Variants in PICALM observed in about 807,000 individuals in gnomAD.
PICALM encodes phosphatidylinositol-binding clathrin assembly protein.
PICALM carries 40 observed loss-of-function variants against 80.5 expected under a neutral mutation model. The ratio of observed to expected loss-of-function variants is 0.50; its 90% CI spans 0.39 to 0.65. The LOEUF (loss-of-function observed/expected upper bound fraction) is 0.65. Ranked by LOEUF, PICALM falls within the 30% of genes least tolerant of loss-of-function variation. The pLI, the probability that PICALM is intolerant of heterozygous loss-of-function variation, is 0.00. For synonymous variants in PICALM, 288 were observed against 260.3 expected (o/e 1.11, Z -1.02); for missense variants, 676 against 778.9 (o/e 0.87, Z 1.57).
chr11:86,000,867 A>C, intron 10 of PICALM, 88 bp from the exon 11 acceptor site: 1 of 1,513,076 alleles, frequency 6.6e-7, no homozygotes, highest in Admixed American at 2.0e-5. Flanking sequence ...ATTTGTTCTG[A>C]TAGCAGATAT....
At position 85,990,371 on chromosome 11, in the gene PICALM, A is replaced by C. The variant is rs747486969; in HGVS notation, c.1287T>G (p.Val429=). 6 of 1,608,350 alleles carry C rather than the reference A, an allele frequency of 3.7e-6. No homozygotes were observed. The East Asian group carries it at 1.3e-4, about 36-fold the overall frequency. ...GATTTAAGCTTGGAATGGCATCATC[A>C]ACAGCATCTACAGTAGCAGAGAAAG... is the stretch of plus-strand genomic sequence containing the variant. ...GDPFSATVDA[V]DDAIPSLNPF... The change falls in exon 13 of 20, where the codon GTT becomes GTG. Residue 429 remains valine, a synonymous_variant. Transcript: ENST00000393346.
chr11:85,978,198 T>C, intron 17 of PICALM: 1 of 879,390 alleles, frequency 1.1e-6, no homozygotes, highest in Non-Finnish European at 1.9e-6. Context: ...CACATGTACA[T>C]TCACTAACTA....
At chr11:86,040,029 G>T (rs1173010501) in intron 1 of PICALM, among the ~76,000 whole-genome samples, 1 of 144,850 alleles carries the variant, frequency 6.9e-6, no homozygotes, top group Non-Finnish European at 1.5e-5. Flanking sequence ...AAAAAAAAAG[G>T]CAACAAAATA....
intron 13 of PICALM, among the ~76,000 whole-genome samples, chr11:85,986,668 G>T (rs946996303): frequency 6.6e-6 from 1 of 152,068 alleles, no homozygotes; most frequent in African/African-American, 2.4e-5. Flanking sequence ...GGGATTACAG[G>T]CGTGAGCCAC....
At position 86,031,555 on chromosome 11, in the gene PICALM, A is replaced by C; in HGVS notation, c.187T>G (p.Leu63Val). The C allele has an allele frequency of 1.2e-6, 2 of 1,612,380 alleles. No individual in the cohort carries two copies. Among genetic ancestry groups the C allele is most frequent in the Non-Finnish European group, 8.5e-7 (1 of 1,179,040 alleles). Residue 63 changes from leucine to valine, a missense_variant, in exon 2 of 20, where the codon TTA (leucine) becomes GTA (valine). Transcript: ENST00000393346. ...NVNIPQLADS[L>V]FERTTNSSWV... ...CTACTATTAGTAGTTCTTTCAAATA[A>C]ACTGTCTGCCAACTGTGGGATGTTC...
chr11:86,033,422 C>G (rs1238843493), intron 1 of PICALM, among the ~76,000 whole-genome samples: 1 of 152,146 alleles, frequency 6.6e-6, no homozygotes, highest in Non-Finnish European at 1.5e-5. Flanking sequence ...ATATGCCAAG[C>G]ACTCTTATCT....
At position 85,980,625 on chromosome 11, in the gene PICALM, A is replaced by G. The variant is rs554210059; in HGVS notation, c.1779+504T>C. Among the ~76,000 whole-genome samples, 5 of 152,314 alleles carry G rather than the reference A, an allele frequency of 3.3e-5. No homozygotes were observed. The South Asian group carries it at 8.3e-4, about 25-fold the overall frequency. ...TAAATTATATGACAAAACCGAAGCA[A>G]GTATAGTTTCTTTACCAATAATGAA... On this transcript the variant is annotated intron_variant, in intron 17 of 19. Coordinates refer to ENST00000393346, the MANE Select transcript of PICALM (RefSeq NM_007166.4).
At chr11:86,065,481 T>G (rs1172666663) in intron 1 of PICALM, among the ~76,000 whole-genome samples, 1 of 152,060 alleles carries the variant, frequency 6.6e-6, no homozygotes, top group East Asian at 1.9e-4. Flanking sequence ...CTGCAATAAT[T>G]ATGGTTCTTT....
rs2095413837 is a variant in PICALM, at chr11:86,012,395, A to G, written c.547-3T>C. The G allele has an allele frequency of 4.5e-6, 7 of 1,554,326 alleles. No homozygotes were observed. Among genetic ancestry groups the G allele is most frequent in the Non-Finnish European group, 6.2e-6 (7 of 1,130,122 alleles). On this transcript the variant is annotated splice_region_variant and splice_polypyrimidine_tract_variant and intron_variant, in intron 5 of 19. Coordinates refer to ENST00000393346, the MANE Select transcript of PICALM (RefSeq NM_007166.4). ...TTTGTAAGTTCATTGCTATTAACCT[A>G]GGGAAAAATTGGAAAATAAAATTAG...
At chr11:85,987,798 T>G (rs2094624027) in intron 13 of PICALM, among the ~76,000 whole-genome samples, 1 of 152,242 alleles carries the variant, frequency 6.6e-6, no homozygotes, top group Admixed American at 6.5e-5. Context: ...TAGTAGTCAT[T>G]TTGATACTTT....
At position 86,023,672 on chromosome 11, in the gene PICALM, G is replaced by GAGC. The variant is rs1313596326; in HGVS notation, c.350-1206_350-1204dup. On this transcript the variant is annotated intron_variant, in intron 3 of 19. Transcript: ENST00000393346. ...TGGATATATGCATAAACTCTGCCTA[G>GAGC]AGCACTGCTCTGCATCTTGTTTTCC... 7.8e-6 allele frequency: 4 copies of GAGC among 510,118 alleles called. No individual in the cohort carries two copies. In the Admixed American group the frequency reaches 2.6e-4, roughly 33 times the overall value. The allele number at this position is 510,118 out of a possible 1,614,324, so 31.6% of individuals were successfully genotyped here. A position where few individuals can be genotyped will look rare whatever the true frequency, so the allele number is the denominator to read the frequency against.
chr11:86,061,146 T>C (rs972682916), intron 1 of PICALM, among the ~76,000 whole-genome samples: 3 of 151,782 alleles, frequency 2.0e-5, no homozygotes, highest in Non-Finnish European at 4.4e-5. Flanking sequence ...CTGGCTAATA[T>C]GGTCAAACGC....
intron 17 of PICALM, chr11:85,978,120 A>G: frequency 6.3e-7 from 1 of 1,594,024 alleles, no homozygotes; most frequent in Non-Finnish European, 8.6e-7. Flanking sequence ...GAACAATTAC[A>G]TAATGCAATA....
At chr11:85,997,018 AT>A (rs1206889548) in intron 11 of PICALM, 89 bp from the exon 12 acceptor site, 1 of 674,480 alleles carries the variant, frequency 1.5e-6, no homozygotes, top group East Asian at 2.8e-5. Context: ...AGATAAAAAC[AT>A]TAAAAACAAG....
At chr11:86,038,890 A>G (rs1046801438) in intron 1 of PICALM, among the ~76,000 whole-genome samples, 5 of 151,266 alleles carry the variant, frequency 3.3e-5, no homozygotes, top group Non-Finnish European at 7.4e-5. Context: ...AGAACGGATC[A>G]CTCAAGGTCA....
chr11:85,980,901 T>G (rs1435082079), intron 17 of PICALM, among the ~76,000 whole-genome samples: 1 of 152,218 alleles, frequency 6.6e-6, no homozygotes, highest in Non-Finnish European at 1.5e-5. Flanking sequence ...AACATTATTA[T>G]TTACTGGAAT....
intron 1 of PICALM, among the ~76,000 whole-genome samples, chr11:86,036,945 C>CAAA (rs57778395): frequency 7.9e-6 from 1 of 125,914 alleles, no homozygotes; most frequent in Non-Finnish European, 1.6e-5. Flanking sequence ...CAACAACAAC[C>CAAA]AAAAAAAAAA....
intron 1 of PICALM, among the ~76,000 whole-genome samples, chr11:86,044,307 A>T (rs773647390): frequency 9.2e-5 from 14 of 152,144 alleles, no homozygotes; most frequent in Non-Finnish European, 1.9e-4. Flanking sequence ...AGTGGCCTGG[A>T]GGCCTATGGA....
intron 4 of PICALM, 81 bp downstream of exon 4, chr11:86,022,286 A>G (rs921074165): frequency 5.2e-6 from 4 of 767,460 alleles, no homozygotes; most frequent in African/African-American, 1.8e-5. Context: ...CTAAAATTTC[A>G]TAATTCATAA....
Sources: gnomAD v4.1 joint callset for allele counts (sites outside exome capture counted in the v4.1 genomes callset) on GRCh38, gnomAD v4.1.1 for gene constraint, MANE v1.5 for transcripts, NCBI Gene and HGNC (gene_info 2026-07-23, HGNC 2026-07-21) for gene names.